SPRED2: variants seen among roughly 807,000 people sequenced by gnomAD.
SPRED2 encodes the protein sprouty-related, EVH1 domain-containing protein 2.
A neutral mutation model predicts 43.0 loss-of-function variants in SPRED2; 47 were observed. The ratio of observed to expected loss-of-function variants is 1.09; its 90% CI spans 0.87 to 1.40. SPRED2 has a LOEUF of 1.40. Ranked by LOEUF, SPRED2 falls within the 40% of genes most tolerant of loss-of-function variation. The pLI, the probability that SPRED2 is intolerant of heterozygous loss-of-function variation, is 0.00. For synonymous variants in SPRED2, 225 were observed against 225.7 expected, an observed-to-expected ratio of 1.00 and a Z score of 0.03; for missense variants, 561 against 586.4, an observed-to-expected ratio of 0.96 and a Z score of 0.45.
chr2:65,416,330 G>A (rs530149551), intron 1 of SPRED2, among the ~76,000 whole-genome samples: 62 of 152,254 alleles, frequency 4.1e-4, no homozygotes, highest in South Asian at 2.3e-3. Context: ...GAGACAGTTG[G>A]GGGGGTGTAT....
downstream of SPRED2, among the ~76,000 whole-genome samples, chr2:65,307,376 A>G (rs1385585242): frequency 6.6e-6 from 1 of 151,950 alleles, no homozygotes; most frequent in Admixed American, 6.6e-5. Context: ...TTGTATTTTT[A>G]GTAGAGATGG....
chr2:65,406,932 T>TA (rs1491285869), intron 1 of SPRED2, among the ~76,000 whole-genome samples: 1 of 119,440 alleles, frequency 8.4e-6, no homozygotes, highest in East Asian at 2.4e-4. Flanking sequence ...TTAGTCTCTC[T>TA]TTTTTTTTTT....
chr2:65,417,590 C>T (rs941650598), intron 1 of SPRED2, among the ~76,000 whole-genome samples: 12 of 152,200 alleles, frequency 7.9e-5, no homozygotes, highest in African/African-American at 2.4e-4. Context: ...TTTCCACCAT[C>T]TTTTTCCTAT....
chr2:65,410,164 G>C (rs975862795), intron 1 of SPRED2, among the ~76,000 whole-genome samples: 1 of 152,182 alleles, frequency 6.6e-6, no homozygotes, highest in East Asian at 1.9e-4. Context: ...TTGAGCCCAG[G>C]AGTTCGAGGC....
chr2:65,349,658 A>C (rs1674452360), intron 1 of SPRED2, among the ~76,000 whole-genome samples: 1 of 152,240 alleles, frequency 6.6e-6, no homozygotes, highest in Non-Finnish European at 1.5e-5. Context: ...AGAAGTTTGC[A>C]TTACTTATGT....
chr2:65,398,941 T>C (rs1675817816), intron 1 of SPRED2, among the ~76,000 whole-genome samples: 1 of 152,128 alleles, frequency 6.6e-6, no homozygotes. Context: ...ACTGCAAAAA[T>C]ATGGAACCAC....
chr2:65,344,181 A>G (rs1674273297), intron 2 of SPRED2: 1 of 160,120 alleles, frequency 6.2e-6, no homozygotes, highest in African/African-American at 2.4e-5. Flanking sequence ...CCCACAAAGT[A>G]TGATACCACT....
intron 1 of SPRED2, among the ~76,000 whole-genome samples, chr2:65,397,943 C>T (rs1196927199): frequency 6.6e-6 from 1 of 152,090 alleles, no homozygotes; most frequent in African/African-American, 2.4e-5. Context: ...CAAGACTAAG[C>T]AAAAAGAACA....
chr2:65,321,660 A>T (rs891091059), intron 4 of SPRED2, among the ~76,000 whole-genome samples: 1 of 152,192 alleles, frequency 6.6e-6, no homozygotes, highest in African/African-American at 2.4e-5. Context: ...TCTGCTAATT[A>T]TAAGATGATT....
chr2:65,359,079 G>A (rs1402427428), intron 1 of SPRED2, among the ~76,000 whole-genome samples: 1 of 152,156 alleles, frequency 6.6e-6, no homozygotes, highest in Non-Finnish European at 1.5e-5. Flanking sequence ...GTGTTACTGG[G>A]GAAATTCTTT....
At chr2:65,362,987 C>T (rs1301930933) in intron 1 of SPRED2, among the ~76,000 whole-genome samples, 2 of 143,986 alleles carry the variant, frequency 1.4e-5, no homozygotes, top group African/African-American at 5.3e-5. Context: ...CTTGCTTTCT[C>T]TATGGTCATC....
At chr2:65,355,101 T>C (rs933191507) in intron 1 of SPRED2, among the ~76,000 whole-genome samples, 2 of 152,192 alleles carry the variant, frequency 1.3e-5, no homozygotes, top group African/African-American at 4.8e-5. Context: ...GTTTGAAAAC[T>C]CTTTGCTCTA....
At chr2:65,384,192 G>C (rs145744140) in intron 1 of SPRED2, among the ~76,000 whole-genome samples, 1 of 152,250 alleles carries the variant, frequency 6.6e-6, no homozygotes, top group Non-Finnish European at 1.5e-5. Context: ...GGGAACTGCA[G>C]CTCTCGGTGT....
At chr2:65,389,117 T>C (rs932887432) in intron 1 of SPRED2, among the ~76,000 whole-genome samples, 1 of 152,178 alleles carries the variant, frequency 6.6e-6, no homozygotes, top group African/African-American at 2.4e-5. Context: ...GCCCTTCCCT[T>C]CACAGCTCTG....
intron 1 of SPRED2, among the ~76,000 whole-genome samples, chr2:65,392,530 T>C (rs1347131240): frequency 2.0e-5 from 3 of 152,232 alleles, no homozygotes; most frequent in African/African-American, 7.2e-5. Flanking sequence ...AGGAGTTGAA[T>C]ATCCACCTAC....
rs1248060327 is a variant in SPRED2, at chr2:65,432,152, G to C, written c.-165C>G. The C allele has an allele frequency of 4.7e-6, 4 of 853,246 alleles. No homozygotes were observed. The highest frequency in any genetic ancestry group is 7.5e-6 in the Non-Finnish European group (4 of 535,860). The allele number at this position is 853,246 out of a possible 1,614,324, so 52.9% of individuals were successfully genotyped here. A position where few individuals can be genotyped will look rare whatever the true frequency, so the allele number is the denominator to read the frequency against. On this transcript the variant is annotated 5_prime_UTR_variant, in exon 1 of 6. Transcript: ENST00000356388. ...GCAGCAGAAGGGGAAGCAGGGCGCG[G>C]GATAGGGTTTGGGGGAAGGGGTGCA...
At chr2:65,327,788 G>A (rs550528205) in intron 4 of SPRED2, among the ~76,000 whole-genome samples, 4 of 135,090 alleles carry the variant, frequency 3.0e-5, no homozygotes, top group South Asian at 2.4e-4. Flanking sequence ...CAATGGTGCG[G>A]TCTCGGCTCA....
intron 2 of SPRED2, among the ~76,000 whole-genome samples, chr2:65,335,360 C>T (rs1673935139): frequency 2.0e-5 from 3 of 152,178 alleles, no homozygotes; most frequent in African/African-American, 4.8e-5. Flanking sequence ...TGCTGCCACC[C>T]TGATCTGGGT....
chr2:65,404,769 C>T (rs1302673982), intron 1 of SPRED2, among the ~76,000 whole-genome samples: 1 of 152,154 alleles, frequency 6.6e-6, no homozygotes, highest in Admixed American at 6.5e-5. Context: ...ATAAAAAACA[C>T]GTGCCTGTTT....
Sources: allele counts gnomAD v4.1 joint callset (sites outside exome capture counted in the v4.1 genomes callset), GRCh38; gene constraint gnomAD v4.1.1; transcripts MANE v1.5; gene names NCBI Gene and HGNC (gene_info 2026-07-23, HGNC 2026-07-21).